Variants in IQSEC1 observed in about 807,000 individuals in gnomAD.
IQSEC1 encodes the protein IQ motif and Sec7 domain ArfGEF 1.
Under a neutral mutation model 91.0 loss-of-function variants are expected in IQSEC1, and 31 were observed. The ratio of observed to expected loss-of-function variants is 0.34; its 90% CI spans 0.26 to 0.46. The LOEUF (loss-of-function observed/expected upper bound fraction) is 0.46, where lower values mean the gene tolerates loss of function less well. Among genes scored for constraint, IQSEC1 ranks in the 20% least tolerant of loss-of-function variants. The probability of loss-of-function intolerance (pLI) is 1.00; values close to 1 mark genes in which losing one functional copy is unlikely to be tolerated. For missense variants in IQSEC1, 1,388 were observed against 1,575.6 expected (o/e 0.88, Z 2.02); for synonymous variants, 699 against 662.6 (o/e 1.05, Z -0.84).
In IQSEC1 at chr3:12,900,145, T is replaced by C. The variant is rs566106256; in HGVS notation, c.*838A>G. The C allele has an allele frequency of 1.1e-5, 11 of 971,818 alleles. No homozygotes were observed. In the African/African-American group the frequency reaches 1.8e-4, roughly 15 times the overall value. 60.2% of individuals were successfully genotyped at this position (971,818 alleles called of 1,614,324 possible). A position where few individuals can be genotyped will look rare whatever the true frequency, so the allele number is the denominator to read the frequency against. On this transcript the variant is annotated 3_prime_UTR_variant, in exon 14 of 14. Coordinates refer to ENST00000613206, the MANE Select transcript of IQSEC1 (RefSeq NM_001134382.3). ...AACAGCATTATAATACTATTTATGATAGTATTCTGTTAATAAAATAAGGAT... is the reference window on the plus strand; with the variant it reads ...AACAGCATTATAATACTATTTATGACAGTATTCTGTTAATAAAATAAGGAT...
intron 3 of IQSEC1, among the ~76,000 whole-genome samples, chr3:12,931,153 C>T (rs566631859): frequency 2.9e-4 from 44 of 152,170 alleles, no homozygotes; most frequent in Non-Finnish European, 3.1e-4. Context: ...CTTCCCTTGG[C>T]ACTGTCTTCT....
chr3:12,954,542 A>G (rs1699776821), intron 1 of IQSEC1, among the ~76,000 whole-genome samples: 1 of 152,172 alleles, frequency 6.6e-6, no homozygotes, highest in South Asian at 2.1e-4. Context: ...AGGGATTTGC[A>G]GGGACCATCT....
intron 1 of IQSEC1, among the ~76,000 whole-genome samples, chr3:13,244,273 A>G (rs1293587161): frequency 6.6e-6 from 1 of 152,120 alleles, no homozygotes; most frequent in African/African-American, 2.4e-5. Flanking sequence ...GCTTACTGCA[A>G]CCTCTGCCTC....
At chr3:13,097,253 G>T (rs1705981371) in intron 2 of IQSEC1, among the ~76,000 whole-genome samples, 2 of 152,254 alleles carry the variant, frequency 1.3e-5, no homozygotes, top group Admixed American at 1.3e-4. Context: ...GCAAGGCTCA[G>T]AGAGGGAAGG....
In IQSEC1 at chr3:13,084,759, A is replaced by G. The variant is rs547871182; in HGVS notation, c.303-37237T>C. Among the ~76,000 whole-genome samples the G allele has an allele frequency of 3.9e-5, 6 of 152,252 alleles. No individual in the cohort carries two copies. The South Asian group carries it at 1.2e-3, about 32-fold the overall frequency. On this transcript the variant is annotated intron_variant, in intron 2 of 15. Transcript: ENST00000648114. ...CACTGGTACAAAGCGGTTTCCCAGG[A>G]TCATTGGCCGTAGTAACCAAGATCT...
intron 1 of IQSEC1, among the ~76,000 whole-genome samples, chr3:13,256,277 G>A (rs1695284663): frequency 6.6e-6 from 1 of 152,160 alleles, no homozygotes; most frequent in Admixed American, 6.5e-5. Flanking sequence ...TCTGTACACG[G>A]TGATCTGCGG....
Position 12,900,872 on chromosome 3 carries a change from G to GA in IQSEC1, c.*110dup. ...CGGTTGGGCCGTGAGGGGCAGAGGG[G>GA]AGAGATGGCAACAGAAGTGCCCCGG... On this transcript the variant is annotated 3_prime_UTR_variant, in exon 14 of 14. Coordinates refer to ENST00000613206, the MANE Select transcript of IQSEC1 (RefSeq NM_001134382.3). 1.3e-6 allele frequency: 2 copies of GA among 1,533,930 alleles called. No homozygotes were observed. Among genetic ancestry groups the GA allele is most frequent in the East Asian group, 2.4e-5 (1 of 40,876 alleles).
intron 1 of IQSEC1, among the ~76,000 whole-genome samples, chr3:13,246,308 C>T (rs1695107529): frequency 6.6e-6 from 1 of 151,950 alleles, no homozygotes; most frequent in Non-Finnish European, 1.5e-5. Context: ...TTGGAGTAGC[C>T]AAAGCCATAG....
intron 1 of IQSEC1, among the ~76,000 whole-genome samples, chr3:13,203,759 C>T (rs1261091952): frequency 6.6e-6 from 1 of 152,206 alleles, no homozygotes; most frequent in East Asian, 1.9e-4. Context: ...ACAGCCCCTG[C>T]CCATCAGCCA....
Position 12,908,261 on chromosome 3 carries a change from C to T in IQSEC1, c.2755+88G>A. 2 of 1,401,336 alleles carry T rather than the reference C, an allele frequency of 1.4e-6. No homozygotes were observed. Among genetic ancestry groups the T allele is most frequent in the Non-Finnish European group, 2.0e-6 (2 of 1,020,188 alleles). The allele number at this position is 1,401,336 out of a possible 1,614,324, so 86.8% of individuals were successfully genotyped here. On this transcript the variant is annotated intron_variant, in intron 12 of 13. Transcript: ENST00000613206. This position sits in a 1 kb window ranked among gnomAD's most constrained non-coding sequence, Gnocchi z 4.9. The stretch of plus-strand genomic sequence containing the variant: ...GCACTGGCTTCGCCGCAGGCCCTGC[C>T]CCGCGTGATGCATGCCCTGAATGCA...
At chr3:13,111,043 C>A (rs1182638538) in intron 2 of IQSEC1, among the ~76,000 whole-genome samples, 3 of 152,196 alleles carry the variant, frequency 2.0e-5, no homozygotes, top group African/African-American at 7.2e-5. Context: ...ACGGCCAGGG[C>A]CCCTGCCACC....
chr3:13,163,172 C>A (rs1707209469), intron 2 of IQSEC1, among the ~76,000 whole-genome samples: 1 of 152,152 alleles, frequency 6.6e-6, no homozygotes, highest in Non-Finnish European at 1.5e-5. Context: ...TGTGCTGCCA[C>A]CCAAGAGGCT....
chr3:13,088,347 G>A (rs536325551), intron 2 of IQSEC1, among the ~76,000 whole-genome samples: 2 of 152,268 alleles, frequency 1.3e-5, no homozygotes, highest in African/African-American at 4.8e-5. Context: ...GCTCACTGCA[G>A]GGCTGAGGTC....
chr3:13,072,288 C>T (rs1026509900), intron 1 of IQSEC1, among the ~76,000 whole-genome samples: 2 of 152,248 alleles, frequency 1.3e-5, no homozygotes, highest in Admixed American at 6.5e-5. Context: ...CAGCACAGTG[C>T]AGCGCCCAGA....
chr3:12,898,922 A>C lies in IQSEC1; in HGVS notation c.*2061T>G, dbSNP rs1474621127. The C allele has an allele frequency of 6.4e-6, 1 of 156,586 alleles. No individual in the cohort carries two copies. The highest frequency in any genetic ancestry group is 2.4e-5 in the African/African-American group (1 of 41,538). The allele number at this position is 156,586 out of a possible 1,614,324, so 9.7% of individuals were successfully genotyped here. Reference sequence around the variant, plus strand: ...AAAGACCCGAGAATTGATGAGTCGGAGACACCAGGGCGCTTCCCTGACAGC... The same window carrying C: ...AAAGACCCGAGAATTGATGAGTCGGCGACACCAGGGCGCTTCCCTGACAGC... On this transcript the variant is annotated 3_prime_UTR_variant, in exon 14 of 14. Coordinates refer to ENST00000613206, the MANE Select transcript of IQSEC1 (RefSeq NM_001134382.3).
intron 1 of IQSEC1, among the ~76,000 whole-genome samples, chr3:12,943,593 C>A (rs1698953758): frequency 6.6e-6 from 1 of 152,198 alleles, no homozygotes; most frequent in Non-Finnish European, 1.5e-5. Context: ...GCACACAGAC[C>A]CCACTCAGCT....
At chr3:13,138,500 C>G (rs1706747889) in intron 2 of IQSEC1, among the ~76,000 whole-genome samples, 1 of 152,142 alleles carries the variant, frequency 6.6e-6, no homozygotes, top group Non-Finnish European at 1.5e-5. Context: ...TGCCCACCCA[C>G]TATCTGTCCA....
At chr3:13,154,782 A>G (rs1159140772) in intron 2 of IQSEC1, among the ~76,000 whole-genome samples, 3 of 152,018 alleles carry the variant, frequency 2.0e-5, no homozygotes, top group African/African-American at 7.3e-5. Flanking sequence ...CTGGGACCAC[A>G]GTGGGATGAA....
chr3:13,087,496 A>G (rs1268133229), intron 2 of IQSEC1, among the ~76,000 whole-genome samples: 1 of 152,156 alleles, frequency 6.6e-6, no homozygotes, highest in Non-Finnish European at 1.5e-5. Context: ...CTGGCAGGGG[A>G]GGAGACCGTG....
Sources: gnomAD v4.1 joint callset for allele counts (sites outside exome capture counted in the v4.1 genomes callset) on GRCh38, gnomAD v4.1.1 for gene constraint, Gnocchi (gnomAD v3.1) non-coding constraint, MANE v1.5 for transcripts, NCBI Gene and HGNC (gene_info 2026-07-23, HGNC 2026-07-21) for gene names.